RBPJ: variants seen among roughly 807,000 people sequenced by gnomAD.
RBPJ encodes recombination signal binding protein for immunoglobulin kappa J region.
A neutral mutation model predicts 67.8 loss-of-function variants in RBPJ; 9 were observed. The observed-to-expected ratio is 0.13, with a 90% CI of 0.08 to 0.23. RBPJ has a LOEUF of 0.23. Among genes scored for constraint, RBPJ ranks in the 10% least tolerant of loss-of-function variants. RBPJ has a pLI of 1.00. For missense variants in RBPJ, 305 were observed against 595.6 expected, an observed-to-expected ratio of 0.51 and a Z score of 5.08; for synonymous variants, 198 against 203.3, an observed-to-expected ratio of 0.97 and a Z score of 0.22.
intron 1 of RBPJ, among the ~76,000 whole-genome samples, chr4:26,197,582 TG>T (rs1402317922): frequency 6.6e-6 from 1 of 152,208 alleles, no homozygotes; most frequent in Non-Finnish European, 1.5e-5. Context: ...ACAGATTTCC[TG>T]GGCCTGCAGC....
intron 1 of RBPJ, among the ~76,000 whole-genome samples, chr4:26,243,301 T>C (rs1719713296): frequency 1.3e-5 from 2 of 152,176 alleles, no homozygotes; most frequent in Non-Finnish European, 2.9e-5. Context: ...TCAGAGATGA[T>C]GGGTATCTCG....
chr4:26,401,225 A>G (rs1732761032), intron 2 of RBPJ, among the ~76,000 whole-genome samples: 1 of 152,238 alleles, frequency 6.6e-6, no homozygotes, highest in Non-Finnish European at 1.5e-5. Context: ...TACAGGTGAG[A>G]AAACTCAGGC....
intron 1 of RBPJ, among the ~76,000 whole-genome samples, chr4:26,276,094 G>A (rs1337059173): frequency 1.3e-5 from 2 of 150,746 alleles, no homozygotes; most frequent in Non-Finnish European, 3.0e-5. Flanking sequence ...GGCCAACATG[G>A]TGAAACCGCA....
chr4:26,229,104 A>G (rs1404702378), intron 1 of RBPJ, among the ~76,000 whole-genome samples: 1 of 152,238 alleles, frequency 6.6e-6, no homozygotes, highest in African/African-American at 2.4e-5. Flanking sequence ...AGGAGAAATT[A>G]AAACCCCAAG....
At chr4:26,287,446 A>C (rs1169332507) in intron 1 of RBPJ, among the ~76,000 whole-genome samples, 4 of 151,308 alleles carry the variant, frequency 2.6e-5, no homozygotes, top group Non-Finnish European at 5.9e-5. Flanking sequence ...CCAGTTACTC[A>C]GAAGGCTCGA....
intron 3 of RBPJ, among the ~76,000 whole-genome samples, chr4:26,410,748 G>T (rs1733933277): frequency 6.6e-6 from 1 of 152,138 alleles, no homozygotes; most frequent in Non-Finnish European, 1.5e-5. Context: ...TTTATATATT[G>T]GAATGGATAA....
At chr4:26,255,201 G>C (rs1344777838) in intron 1 of RBPJ, among the ~76,000 whole-genome samples, 25 of 140,416 alleles carry the variant, frequency 1.8e-4, no homozygotes, top group Middle Eastern at 3.8e-3. Context: ...TCAGGAGATC[G>C]GGACCATCCT....
chr4:26,315,587 C>T (rs1360318801), upstream of RBPJ, among the ~76,000 whole-genome samples: 1 of 152,088 alleles, frequency 6.6e-6, no homozygotes, highest in Non-Finnish European at 1.5e-5. Context: ...TTCAGCTGTG[C>T]ACGTATTCTC....
intron 3 of RBPJ, among the ~76,000 whole-genome samples, chr4:26,414,053 A>G (rs912827363): frequency 1.3e-5 from 2 of 152,306 alleles, no homozygotes; most frequent in East Asian, 1.9e-4. Flanking sequence ...TACTAGGATT[A>G]AGAAAAGTAA....
chr4:26,117,031 A>G, the RBPJ span, among the ~76,000 whole-genome samples: 1 of 152,336 alleles, frequency 6.6e-6, no homozygotes, highest in Admixed American at 6.5e-5. Flanking sequence ...CAAAGCCACA[A>G]CCATTCAGAG....
chr4:26,263,989 C>T (rs1720632148), intron 1 of RBPJ, among the ~76,000 whole-genome samples: 1 of 152,098 alleles, frequency 6.6e-6, no homozygotes, highest in South Asian at 2.1e-4. Flanking sequence ...ATTCTCCTGT[C>T]TCAGCCTCCT....
chr4:26,348,706 G>A lies in RBPJ; in HGVS notation c.20+27658G>A, dbSNP rs1252684864. 2.7e-5 allele frequency among the ~76,000 whole-genome samples: 4 copies of A among 149,728 alleles called. No individual in the cohort carries two copies. In the East Asian group the frequency reaches 7.8e-4, roughly 29 times the overall value. ...GGTTGTTTTTTGATTTTTGTTTTTT[G>A]TTTTTTTTTGTTTTTGAGACAAGGT... On this transcript the variant is annotated intron_variant, in intron 1 of 10. Transcript: ENST00000355476.
At chr4:26,416,360 G>A (rs557760328) in intron 4 of RBPJ, among the ~76,000 whole-genome samples, 58 of 151,960 alleles carry the variant, frequency 3.8e-4, no homozygotes, top group Non-Finnish European at 6.6e-4. Flanking sequence ...CACAAGTAGC[G>A]GGACCATAGG....
chr4:26,143,980 C>T, the RBPJ span, among the ~76,000 whole-genome samples: 1 of 152,078 alleles, frequency 6.6e-6, no homozygotes, highest in Non-Finnish European at 1.5e-5. Flanking sequence ...TTGCTAAAAA[C>T]AGTCAAAAGA....
intron 1 of RBPJ, among the ~76,000 whole-genome samples, chr4:26,287,143 T>A (rs1254881468): frequency 6.6e-6 from 1 of 152,136 alleles, no homozygotes; most frequent in Non-Finnish European, 1.5e-5. Context: ...AGGAAAGAGC[T>A]AGCATGCTAC....
At chr4:26,333,307 T>C (rs1724452588) in intron 1 of RBPJ, among the ~76,000 whole-genome samples, 1 of 152,224 alleles carries the variant, frequency 6.6e-6, no homozygotes, top group South Asian at 2.1e-4. Context: ...TCAGTAGTTT[T>C]GCAAACATAA....
rs76976514 is a variant in RBPJ, at chr4:26,361,678, T to A, written c.21-24675T>A. ...AATATATTTATTGATCAGTTATCAG[T>A]TTTACTTTGTGTAGCTTGAGTGTTC... On this transcript the variant is annotated intron_variant, in intron 1 of 10. Coordinates refer to ENST00000355476, the MANE Select transcript of RBPJ (RefSeq NM_015874.6). Among the ~76,000 whole-genome samples, 682 of 152,306 alleles carry A rather than the reference T, an allele frequency of 4.5e-3. 7 individuals carry two copies. The highest frequency in any genetic ancestry group is 0.016 in the African/African-American group (652 of 41,574).
At chr4:26,173,936 C>T (rs1051345703) in intron 1 of RBPJ, among the ~76,000 whole-genome samples, 33 of 152,096 alleles carry the variant, frequency 2.2e-4, no homozygotes, top group African/African-American at 1.4e-4. Flanking sequence ...TACAAAGTAC[C>T]GTAGGGAAGC....
intron 1 of RBPJ, among the ~76,000 whole-genome samples, chr4:26,236,569 C>G (rs1478446806): frequency 6.6e-6 from 1 of 152,182 alleles, no homozygotes; most frequent in Non-Finnish European, 1.5e-5. Flanking sequence ...CTCCACAGTA[C>G]TGCTTGAGTG....
Sources: gnomAD v4.1 joint callset for allele counts (sites outside exome capture counted in the v4.1 genomes callset) on GRCh38, gnomAD v4.1.1 for gene constraint, MANE v1.5 for transcripts, NCBI Gene and HGNC (gene_info 2026-07-23, HGNC 2026-07-21) for gene names.